Variants in MRPL14 observed in about 807,000 individuals in gnomAD.
MRPL14 encodes the protein mitochondrial ribosomal protein L14.
In MRPL14, 8 loss-of-function variants were observed where a neutral mutation model predicts 10.9. That is an observed-to-expected ratio of 0.74 (90% CI 0.43 to 1.33). The LOEUF (loss-of-function observed/expected upper bound fraction) is 1.33. Among genes scored for constraint, MRPL14 ranks in the 40% most tolerant of loss-of-function variants. The pLI, the probability that MRPL14 is intolerant of heterozygous loss-of-function variation, is 0.01. For synonymous variants in MRPL14, 82 were observed against 74.1 expected, an observed-to-expected ratio of 1.11 and a Z score of -0.54; for missense variants, 179 against 194.5, an observed-to-expected ratio of 0.92 and a Z score of 0.47.
In MRPL14 at chr6:44,113,905, T is replaced by C; in HGVS notation, c.376A>G (p.Ser126Gly). The C allele has an allele frequency of 1.2e-6, 2 of 1,605,724 alleles. No homozygotes were observed. Among genetic ancestry groups the C allele is most frequent in the South Asian group, 2.2e-5 (2 of 90,842 alleles). Reference protein sequence around the residue: ...GTRIKTPIPTSLRKREGEYSK... With the variant: ...GTRIKTPIPTGLRKREGEYSK... Reference sequence around the variant, plus strand: ...TACTCGCCTTCCCGCTTGCGCAGGCTGGTGGGGATGGGTGTCTTAATTCGT... The same window carrying C: ...TACTCGCCTTCCCGCTTGCGCAGGCCGGTGGGGATGGGTGTCTTAATTCGT... Residue 126 changes from serine (S) to glycine (G), a missense_variant, in exon 3 of 3, where the codon AGC becomes GGC. Ser to Gly is a moderately conservative substitution (Grantham distance 56). Transcript: ENST00000372014.
intron 1 of MRPL14, among the ~76,000 whole-genome samples, chr6:44,125,926 T>G (rs1776972863): frequency 6.6e-6 from 1 of 152,158 alleles, no homozygotes; most frequent in African/African-American, 2.4e-5. Flanking sequence ...AAACTGCCCT[T>G]CCTAATTAAG....
At chr6:44,124,670 T>C (rs1286878013) in intron 1 of MRPL14, among the ~76,000 whole-genome samples, 1 of 152,254 alleles carries the variant, frequency 6.6e-6, no homozygotes, top group Non-Finnish European at 1.5e-5. Flanking sequence ...CACTGGTGAA[T>C]GGTAAGCTAC....
At chr6:44,125,143 T>C (rs1776823123) in intron 1 of MRPL14, among the ~76,000 whole-genome samples, 1 of 152,138 alleles carries the variant, frequency 6.6e-6, no homozygotes, top group Non-Finnish European at 1.5e-5. Flanking sequence ...TCAGGAGCAA[T>C]AATAAAATAT....
intron 1 of MRPL14, among the ~76,000 whole-genome samples, chr6:44,123,656 A>G (rs1210631283): frequency 6.6e-6 from 1 of 152,232 alleles, no homozygotes; most frequent in Non-Finnish European, 1.5e-5. Context: ...AAGGGAAAAC[A>G]TGTCTAGGGT....
intron 2 of MRPL14, among the ~76,000 whole-genome samples, chr6:44,115,644 TAA>T (rs1439813930): frequency 2.0e-5 from 3 of 151,576 alleles, no homozygotes; most frequent in Admixed American, 6.6e-5. Context: ...CTTTAGAATA[TAA>T]AAGTGATGCT....
At chr6:44,122,085 C>T (rs7739317) in intron 1 of MRPL14, among the ~76,000 whole-genome samples, 17 of 149,000 alleles carry the variant, frequency 1.1e-4, no homozygotes, top group Middle Eastern at 3.5e-3. Context: ...CTCTTCCCCC[C>T]CCTCTTTTTT....
At chr6:44,117,643 C>T (rs1429086232) in intron 1 of MRPL14, among the ~76,000 whole-genome samples, 1 of 152,038 alleles carries the variant, frequency 6.6e-6, no homozygotes, top group Non-Finnish European at 1.5e-5. Context: ...CACTCCTCCC[C>T]AGGAATACCT....
At chr6:44,126,582 G>A (rs1777077217) in intron 1 of MRPL14, among the ~76,000 whole-genome samples, 1 of 152,196 alleles carries the variant, frequency 6.6e-6, no homozygotes, top group Non-Finnish European at 1.5e-5. Flanking sequence ...TGAGGTGTCT[G>A]TCATATGCCC....
chr6:44,114,052 T>C lies in MRPL14; in HGVS notation c.229A>G (p.Ile77Val). ...GKVGDQILLA[I>V]KGQKKKALIV... ...AGCGCCTTTTTCTTCTGTCCCTTGA[T>C]GGCCAGTAGTATCTGGTCGCCCACC... Residue 77 changes from isoleucine to valine, a missense_variant, in exon 3 of 3, where the codon ATC becomes GTC. Transcript: ENST00000372014. The C allele has an allele frequency of 6.2e-7, 1 of 1,614,206 alleles. No homozygotes were observed. Among genetic ancestry groups the C allele is most frequent in the Non-Finnish European group, 8.5e-7 (1 of 1,180,034 alleles).
At position 44,113,851 on chromosome 6, in the gene MRPL14, A is replaced by G. The variant is rs763268896; in HGVS notation, c.430T>C (p.Phe144Leu). Residue 144 changes from phenylalanine to leucine, a missense_variant, in exon 3 of 3, where the codon TTT (phenylalanine) becomes CTT (leucine). Transcript: ENST00000372014. ...YSKVLAIAQN[F>L]V Reference sequence around the variant, plus strand: ...AGAGGCCTGGGCTCAACTCACACAAAGTTCTGAGCAATGGCCAGCACCTTG... The same window carrying G: ...AGAGGCCTGGGCTCAACTCACACAAGGTTCTGAGCAATGGCCAGCACCTTG... The G allele has an allele frequency of 1.4e-5, 22 of 1,553,870 alleles. No individual in the cohort carries two copies. The highest frequency in any genetic ancestry group is 1.5e-5 in the Non-Finnish European group (17 of 1,146,164).
At chr6:44,121,442 A>G (rs1408677608) in intron 1 of MRPL14, among the ~76,000 whole-genome samples, 2 of 152,210 alleles carry the variant, frequency 1.3e-5, no homozygotes, top group Non-Finnish European at 2.9e-5. Flanking sequence ...ATCTTGCTTT[A>G]AGATCTCCCT....
intron 1 of MRPL14, among the ~76,000 whole-genome samples, chr6:44,122,123 C>T (rs953095457): frequency 4.6e-5 from 7 of 151,616 alleles, no homozygotes; most frequent in African/African-American, 1.7e-4. Context: ...TGCTCTGTCG[C>T]CCTGGCTGGA....
intron 1 of MRPL14, among the ~76,000 whole-genome samples, chr6:44,120,390 G>A (rs571376358): frequency 6.6e-6 from 1 of 152,282 alleles, no homozygotes; most frequent in East Asian, 1.9e-4. Flanking sequence ...GCAACTGAAC[G>A]TGCTACAGGA....
chr6:44,124,168 G>A (rs1776709744), intron 1 of MRPL14, among the ~76,000 whole-genome samples: 1 of 152,150 alleles, frequency 6.6e-6, no homozygotes, highest in South Asian at 2.1e-4. Context: ...GGTTTATTAA[G>A]ATGTCAGATA....
chr6:44,124,142 GT>G (rs1336350158), intron 1 of MRPL14, among the ~76,000 whole-genome samples: 1 of 152,120 alleles, frequency 6.6e-6, no homozygotes, highest in Non-Finnish European at 1.5e-5. Flanking sequence ...ATTGGGCCAG[GT>G]TTAGGTGGGC....
chr6:44,124,082 G>C (rs995238612), intron 1 of MRPL14, among the ~76,000 whole-genome samples: 1 of 152,172 alleles, frequency 6.6e-6, no homozygotes, highest in Admixed American at 6.5e-5. Context: ...ACAAGTCAAA[G>C]TAAAATTCTA....
At chr6:44,124,213 G>T (rs1776716882) in intron 1 of MRPL14, among the ~76,000 whole-genome samples, 1 of 152,084 alleles carries the variant, frequency 6.6e-6, no homozygotes, top group African/African-American at 2.4e-5. Flanking sequence ...TAAAGAATGG[G>T]GGTGGGAGGG....
At position 44,113,790 on chromosome 6, in the gene MRPL14, G is replaced by C. The variant is rs1775566833; in HGVS notation, c.*53C>G. 6.6e-7 allele frequency: 1 copy of C among 1,508,402 alleles called. No homozygotes were observed. The highest frequency in any genetic ancestry group is 1.4e-5 in the African/African-American group (1 of 71,612). The allele number at this position is 1,508,402 out of a possible 1,614,324, so 93.4% of individuals were successfully genotyped here. A position where few individuals can be genotyped will look rare whatever the true frequency, so the allele number is the denominator to read the frequency against. ...CCCAAGCTCCCTTAGCAAAAGGGTG[G>C]TTCTCAGAACTGCTCCATTCACGAG... On this transcript the variant is annotated 3_prime_UTR_variant, in exon 3 of 3. Coordinates refer to ENST00000372014, the MANE Select transcript of MRPL14 (RefSeq NM_032111.4).
At chr6:44,114,701 C>CG (rs1295617769) in intron 2 of MRPL14, among the ~76,000 whole-genome samples, 1 of 152,176 alleles carries the variant, frequency 6.6e-6, no homozygotes, top group Non-Finnish European at 1.5e-5. Context: ...CTCCACCTCC[C>CG]GGGTTCACAC....
Sources: gnomAD v4.1 joint callset for allele counts (sites outside exome capture counted in the v4.1 genomes callset) on GRCh38, gnomAD v4.1.1 for gene constraint, MANE v1.5 for transcripts, NCBI Gene and HGNC (gene_info 2026-07-23, HGNC 2026-07-21) for gene names.